CFAP70: variants seen among roughly 807,000 people sequenced by gnomAD.
CFAP70 encodes cilia- and flagella-associated protein 70.
In CFAP70, 81 loss-of-function variants were observed where a neutral mutation model predicts 137.6. The ratio of observed to expected loss-of-function variants is 0.59; its 90% CI spans 0.49 to 0.71. The LOEUF (loss-of-function observed/expected upper bound fraction) is 0.71. Ranked by LOEUF, CFAP70 falls within the 30% of genes least tolerant of loss-of-function variation. The pLI is 0.00. For synonymous variants in CFAP70, 382 were observed against 423.6 expected (o/e 0.90, Z 1.20); for missense variants, 976 against 1,226.7 (o/e 0.80, Z 3.05).
rs563458907 is a variant in CFAP70, at chr10:73,321,807, A to T, written c.912+1156T>A. Among the ~76,000 whole-genome samples, 3 of 152,210 alleles carry T rather than the reference A, an allele frequency of 2.0e-5. No homozygotes were observed. In the South Asian group the frequency reaches 6.2e-4, roughly 32 times the overall value. On this transcript the variant is annotated intron_variant, in intron 9 of 26. Transcript: ENST00000310715. Reference sequence around the variant, plus strand: ...TTTCTTATATATATATTTTTAAGACAGAGTCTTGCTCTGTTGCCCAGGCTG... The same window carrying T: ...TTTCTTATATATATATTTTTAAGACTGAGTCTTGCTCTGTTGCCCAGGCTG...
In CFAP70 at chr10:73,354,838, G is replaced by A; in HGVS notation, c.-39-3C>T. ...AGTCCCTCTGTTTTCTTTGGTCTCT[G>A]TAAACAGAATGAATCAACCTGTCCC... On this transcript the variant is annotated splice_polypyrimidine_tract_variant and splice_region_variant and intron_variant, in intron 1 of 26. Transcript: ENST00000310715. 1 of 1,575,526 alleles carries A rather than the reference G, an allele frequency of 6.3e-7. No individual in the cohort carries two copies. The highest frequency in any genetic ancestry group is 8.7e-7 in the Non-Finnish European group (1 of 1,145,966).
At chr10:73,254,146 T>A in intron 26 of CFAP70, 91 bp from the exon 28 acceptor site, 1 of 1,022,468 alleles carries the variant, frequency 9.8e-7, no homozygotes, top group Non-Finnish European at 1.4e-6. Flanking sequence ...GGGCTACGGC[T>A]AAAGAACATA....
At chr10:73,358,391 A>G (rs543618161) in intron 1 of CFAP70, among the ~76,000 whole-genome samples, 41 of 152,366 alleles carry the variant, frequency 2.7e-4, no homozygotes, top group Non-Finnish European at 5.0e-4. Context: ...GGGAGAGTCC[A>G]GTGAGAAAAA....
chr10:73,272,621 C>A (rs7919368), intron 24 of CFAP70, among the ~76,000 whole-genome samples: 16,045 of 152,214 alleles, frequency 0.11, 1,216 homozygotes, highest in East Asian at 0.3. Flanking sequence ...GATTCTTCAT[C>A]TCCCATATCA....
In CFAP70 at chr10:73,316,762, G is replaced by C. The variant is rs948309330; in HGVS notation, c.913-4119C>G. On this transcript the variant is annotated intron_variant, in intron 9 of 26. Coordinates refer to ENST00000310715, the Ensembl canonical transcript of CFAP70. ...ATTATCATATAAATTAAATCTATAT[G>C]TTAACCCAACAGTATAACTAATACT... 4.0e-5 allele frequency among the ~76,000 whole-genome samples: 6 copies of C among 151,746 alleles called. No homozygotes were observed. The East Asian group carries it at 1.2e-3, about 29-fold the overall frequency.
chr10:73,290,044 C>CAAAAAAAAAAAAAAAAAA (rs397847750), intron 19 of CFAP70, among the ~76,000 whole-genome samples: 4 of 72,230 alleles, frequency 5.5e-5, no homozygotes, highest in Admixed American at 1.7e-4. Flanking sequence ...GACTCCATCT[C>CAAAAAAAAAAAAAAAAAA]AAAAAAAAAA....
At chr10:73,289,342 G>A (rs1230515541) in intron 19 of CFAP70, among the ~76,000 whole-genome samples, 1 of 151,972 alleles carries the variant, frequency 6.6e-6, no homozygotes, top group African/African-American at 2.4e-5. Flanking sequence ...CTGGAGTGCA[G>A]TGGTGCGGTT....
In CFAP70 at chr10:73,274,342, T is replaced by C. The variant is rs1481308287; in HGVS notation, c.2835+91A>G. 14 of 1,347,556 alleles carry C rather than the reference T, an allele frequency of 1.0e-5. No homozygotes were observed. In the East Asian group the frequency reaches 3.0e-4, roughly 29 times the overall value. The allele number at this position is 1,347,556 out of a possible 1,614,324, so 83.5% of individuals were successfully genotyped here. On this transcript the variant is annotated intron_variant, in intron 23 of 26. Coordinates refer to ENST00000310715, the Ensembl canonical transcript of CFAP70. Reference sequence around the variant, plus strand: ...GGATGTAAAAGTGTCATTATTATATTACTAGTTTTAGTCCACACAGATAGA... The same window carrying C: ...GGATGTAAAAGTGTCATTATTATATCACTAGTTTTAGTCCACACAGATAGA...
chr10:73,291,986 T>C (rs768810065), exon 17 of CFAP70: 1 of 1,614,164 alleles, frequency 6.2e-7, no homozygotes, highest in South Asian at 1.1e-5. Context: ...CAACCAGTGA[T>C]CCAGATTCTG....
intron 3 of CFAP70, among the ~76,000 whole-genome samples, chr10:73,350,953 G>A (rs1285081477): frequency 1.3e-5 from 2 of 150,412 alleles, no homozygotes; most frequent in Non-Finnish European, 3.0e-5. Flanking sequence ...GTGTGTGTGT[G>A]TGTATGTGTG....
chr10:73,335,625 C>T (rs1171406795), intron 6 of CFAP70, 101 bp from the exon 8 acceptor site: 6 of 726,824 alleles, frequency 8.3e-6, no homozygotes, highest in African/African-American at 3.6e-5. Flanking sequence ...CAATACTTTT[C>T]TTAGTATTAT....
exon 19 of CFAP70, chr10:73,291,304 C>T (rs1351376774): frequency 1.1e-5 from 18 of 1,614,186 alleles, no homozygotes; most frequent in Middle Eastern, 1.6e-4. Context: ...TCTCTCTTCC[C>T]TCTTTCCTCA....
chr10:73,286,067 G>C (rs1298007652), intron 19 of CFAP70, among the ~76,000 whole-genome samples: 1 of 152,166 alleles, frequency 6.6e-6, no homozygotes, highest in Non-Finnish European at 1.5e-5. Context: ...CCACCAGAAG[G>C]AATTTGAGTT....
chr10:73,306,844 AG>A (rs766565423), intron 12 of CFAP70, among the ~76,000 whole-genome samples: 4 of 152,228 alleles, frequency 2.6e-5, no homozygotes, highest in Non-Finnish European at 5.9e-5. Flanking sequence ...GGAACGCTAA[AG>A]GGAGTCCTTC....
At chr10:73,309,486 TTA>T (rs1315310815) in intron 12 of CFAP70, among the ~76,000 whole-genome samples, 1 of 152,030 alleles carries the variant, frequency 6.6e-6, no homozygotes, top group African/African-American at 2.4e-5. Flanking sequence ...TTTTAATTTT[TTA>T]TAGAGATGGG....
chr10:73,328,768 T>C (rs957982498), intron 8 of CFAP70, among the ~76,000 whole-genome samples: 1 of 150,312 alleles, frequency 6.7e-6, no homozygotes, highest in Admixed American at 6.6e-5. Context: ...ATCAGAGAAA[T>C]GCAAACTAAA....
chr10:73,326,552 G>A (rs1327110357), intron 8 of CFAP70, among the ~76,000 whole-genome samples: 2 of 149,504 alleles, frequency 1.3e-5, no homozygotes. Context: ...CCAGGAGCTG[G>A]TTTTTTGAAA....
At chr10:73,359,292 AC>A (rs1401480828), upstream of CFAP70, among the ~76,000 whole-genome samples, 1 of 152,250 alleles carries the variant, frequency 6.6e-6, no homozygotes, top group East Asian at 1.9e-4. Flanking sequence ...TAACCTGGAA[AC>A]AACCCAAGTG....
At chr10:73,311,308 C>T (rs1048333533) in intron 11 of CFAP70, among the ~76,000 whole-genome samples, 14 of 152,206 alleles carry the variant, frequency 9.2e-5, no homozygotes, top group African/African-American at 3.1e-4. Flanking sequence ...ATGCCTCTCC[C>T]TCCATCTTCT....
Sources: gnomAD v4.1 joint callset for allele counts (sites outside exome capture counted in the v4.1 genomes callset) on GRCh38, gnomAD v4.1.1 for gene constraint, MANE v1.5 for transcripts, NCBI Gene and HGNC (gene_info 2026-07-23, HGNC 2026-07-21) for gene names.